The following PTPRR variants were observed in gnomAD, a reference collection of about 807,000 sequenced individuals.
PTPRR encodes the protein protein tyrosine phosphatase receptor type R.
In PTPRR, 38 loss-of-function variants were observed where a neutral mutation model predicts 77.2. The ratio of observed to expected loss-of-function variants is 0.49; its 90% CI spans 0.38 to 0.65. The LOEUF is 0.65. Among genes scored for constraint, PTPRR ranks in the 30% least tolerant of loss-of-function variants. The probability of loss-of-function intolerance (pLI) is 0.00; values close to 1 mark genes in which losing one functional copy is unlikely to be tolerated. For synonymous variants in PTPRR, 299 were observed against 283.1 expected (o/e 1.06, Z -0.57); for missense variants, 744 against 799.2 (o/e 0.93, Z 0.83).
chr12:70,668,469 C>T (rs1308159884), intron 10 of PTPRR, among the ~76,000 whole-genome samples: 3 of 152,192 alleles, frequency 2.0e-5, no homozygotes, highest in Admixed American at 2.0e-4. Context: ...AGTCCAATTT[C>T]TGAGCTTTCC....
At chr12:70,750,471 A>G (rs1190688114) in intron 5 of PTPRR, among the ~76,000 whole-genome samples, 1 of 152,190 alleles carries the variant, frequency 6.6e-6, no homozygotes, top group Non-Finnish European at 1.5e-5. Flanking sequence ...GTGATAGTAC[A>G]AGTATCACTG....
At chr12:70,871,396 C>T (rs145237297) in intron 2 of PTPRR, among the ~76,000 whole-genome samples, 55 of 152,290 alleles carry the variant, frequency 3.6e-4, no homozygotes, top group African/African-American at 1.2e-3. Context: ...TGACTGCTCA[C>T]ATCTCCCCTC....
intron 2 of PTPRR, among the ~76,000 whole-genome samples, chr12:70,804,859 T>A (rs1319727831): frequency 6.6e-6 from 1 of 152,166 alleles, no homozygotes; most frequent in Non-Finnish European, 1.5e-5. Context: ...TTCAAGATGA[T>A]CATTGCTACA....
At chr12:70,672,554 C>T (rs1225720776) in intron 10 of PTPRR, 12 of 1,348,162 alleles carry the variant, frequency 8.9e-6, no homozygotes, top group Admixed American at 3.4e-5. Flanking sequence ...ACCTTCAACA[C>T]CTTCTACCCT....
intron 2 of PTPRR, among the ~76,000 whole-genome samples, chr12:70,862,806 T>C (rs1191949636): frequency 2.6e-5 from 4 of 151,910 alleles, no homozygotes; most frequent in Non-Finnish European, 1.5e-5. Flanking sequence ...ATTAAAGAAA[T>C]TAAATCAATA....
At chr12:70,888,541 T>A (rs970542964) in intron 2 of PTPRR, among the ~76,000 whole-genome samples, 1 of 152,214 alleles carries the variant, frequency 6.6e-6, no homozygotes, top group Admixed American at 6.5e-5. Flanking sequence ...ATGCATCCCA[T>A]CTAGGAACTT....
At chr12:70,757,741 G>C (rs569729004) in intron 4 of PTPRR, among the ~76,000 whole-genome samples, 1 of 152,264 alleles carries the variant, frequency 6.6e-6, no homozygotes, top group East Asian at 1.9e-4. Flanking sequence ...TTCATGCAAA[G>C]GATGAAAAGC....
At chr12:70,795,342 G>A (rs1047614603) in intron 2 of PTPRR, among the ~76,000 whole-genome samples, 2 of 152,138 alleles carry the variant, frequency 1.3e-5, no homozygotes, top group Admixed American at 6.5e-5. Flanking sequence ...CAAGTAAATA[G>A]GATGTTGGAA....
Position 70,774,262 on chromosome 12 carries a change from T to C in PTPRR, c.358-9484A>G, listed in dbSNP as rs1203995445. 2.0e-5 allele frequency among the ~76,000 whole-genome samples: 3 copies of C among 152,198 alleles called. No homozygotes were observed. The East Asian group carries it at 5.8e-4, about 29-fold the overall frequency. On this transcript the variant is annotated intron_variant, in intron 2 of 13. Transcript: ENST00000283228. ...TGCCTGAATCCCCAGAGGCAGGATTTGGAGCCAATTGTCTATGCTGGGAAC... is the reference window on the plus strand; with the variant it reads ...TGCCTGAATCCCCAGAGGCAGGATTCGGAGCCAATTGTCTATGCTGGGAAC...
intron 2 of PTPRR, among the ~76,000 whole-genome samples, chr12:70,854,261 G>C (rs1892617579): frequency 6.6e-6 from 1 of 152,126 alleles, no homozygotes; most frequent in Admixed American, 6.6e-5. Flanking sequence ...TTAAGGGCTG[G>C]CAAAGAAGAG....
intron 2 of PTPRR, among the ~76,000 whole-genome samples, chr12:70,855,178 T>C (rs1892631864): frequency 6.6e-6 from 1 of 152,186 alleles, no homozygotes; most frequent in African/African-American, 2.4e-5. Context: ...ATATTCTAGC[T>C]CTCTTTGCAG....
intron 2 of PTPRR, among the ~76,000 whole-genome samples, chr12:70,828,347 G>A (rs931243761): frequency 2.0e-5 from 3 of 151,928 alleles, no homozygotes; most frequent in Admixed American, 2.0e-4. Flanking sequence ...AACTAATATT[G>A]TCTTACAGAA....
intron 2 of PTPRR, among the ~76,000 whole-genome samples, chr12:70,875,438 C>G (rs1893034805): frequency 6.6e-6 from 1 of 151,752 alleles, no homozygotes; most frequent in African/African-American, 2.4e-5. Context: ...CAATAGAAGA[C>G]AATGAAGTGG....
intron 12 of PTPRR, among the ~76,000 whole-genome samples, chr12:70,660,554 GT>G (rs1236244744): frequency 6.6e-6 from 1 of 152,186 alleles, no homozygotes; most frequent in Non-Finnish European, 1.5e-5. Flanking sequence ...CACATGTCAT[GT>G]TGAAACAACA....
chr12:70,658,755 A>G (rs1328983753), intron 12 of PTPRR, among the ~76,000 whole-genome samples: 1 of 151,302 alleles, frequency 6.6e-6, no homozygotes, highest in Non-Finnish European at 1.5e-5. Flanking sequence ...TTTGATGAAG[A>G]CTATAAGCTT....
chr12:70,861,690 C>T lies in PTPRR; in HGVS notation c.357+30989G>A, dbSNP rs564336837. 1.3e-4 allele frequency among the ~76,000 whole-genome samples: 20 copies of T among 152,144 alleles called. No individual in the cohort carries two copies. The South Asian group carries it at 2.7e-3, about 21-fold the overall frequency. On this transcript the variant is annotated intron_variant, in intron 2 of 13. Transcript: ENST00000283228. ...AGAGACCTTTGTTTAGTCCTGGGGC[C>T]GGGTAAGCAGATATACCCATTCTCC...
At chr12:70,917,803 T>C (rs959567041) in intron 1 of PTPRR, among the ~76,000 whole-genome samples, 1 of 152,170 alleles carries the variant, frequency 6.6e-6, no homozygotes, top group African/African-American at 2.4e-5. Context: ...CAGTTCCTAA[T>C]ATAGCTAAAA....
chr12:70,762,681 C>G (rs1029830435), intron 3 of PTPRR, among the ~76,000 whole-genome samples: 1 of 152,138 alleles, frequency 6.6e-6, no homozygotes, highest in Non-Finnish European at 1.5e-5. Context: ...ATTTATTGCT[C>G]AAAACACCGC....
chr12:70,814,975 A>G (rs564329068), intron 2 of PTPRR, among the ~76,000 whole-genome samples: 12 of 152,288 alleles, frequency 7.9e-5, no homozygotes, highest in Admixed American at 1.3e-4. Context: ...AATAAAACCA[A>G]TAATGCAGAG....
Sources: gnomAD v4.1 joint callset for allele counts (sites outside exome capture counted in the v4.1 genomes callset) on GRCh38, gnomAD v4.1.1 for gene constraint, MANE v1.5 for transcripts, NCBI Gene and HGNC (gene_info 2026-07-23, HGNC 2026-07-21) for gene names.